The following SV2C variants were observed in gnomAD, a reference collection of about 807,000 sequenced individuals.
SV2C encodes synaptic vesicle glycoprotein 2C.
A neutral mutation model predicts 79.7 loss-of-function variants in SV2C; 49 were observed. The ratio of observed to expected loss-of-function variants is 0.61; its 90% CI spans 0.49 to 0.78. The LOEUF (loss-of-function observed/expected upper bound fraction) is 0.78, where lower values mean the gene tolerates loss of function less well. SV2C is among the 30% of genes least tolerant of loss of function. SV2C has a pLI of 0.00. For synonymous variants in SV2C, 334 were observed against 333.2 expected (o/e 1.00, Z -0.03); for missense variants, 833 against 912.9 (o/e 0.91, Z 1.13).
chr5:76,107,652 T>A (rs1286541801), intron 1 of SV2C, among the ~76,000 whole-genome samples: 1 of 152,046 alleles, frequency 6.6e-6, no homozygotes, highest in Non-Finnish European at 1.5e-5. Flanking sequence ...TCACTTGAGG[T>A]CAGGAGTTCG....
At chr5:76,152,235 G>A (rs1422083550) in intron 2 of SV2C, among the ~76,000 whole-genome samples, 1 of 152,180 alleles carries the variant, frequency 6.6e-6, no homozygotes, top group East Asian at 1.9e-4. Context: ...TGGTTTTAAT[G>A]TAGATTTTTA....
the SV2C span, among the ~76,000 whole-genome samples, chr5:75,930,403 T>C: frequency 2.6e-3 from 391 of 152,336 alleles, 1 homozygote; most frequent in African/African-American, 9.1e-3. Context: ...CCAGCAGTGG[T>C]GCTCTGGAAA....
chr5:76,183,960 CGT>C (rs1412751037), intron 2 of SV2C, among the ~76,000 whole-genome samples: 1 of 152,140 alleles, frequency 6.6e-6, no homozygotes. Context: ...AATTATAGCA[CGT>C]GTTTCATTCT....
the SV2C span, among the ~76,000 whole-genome samples, chr5:75,912,156 T>C: frequency 6.6e-6 from 1 of 150,764 alleles, no homozygotes; most frequent in African/African-American, 2.4e-5. Context: ...AGTGGAACTA[T>C]AATCACTATA....
At chr5:75,895,379 G>A in the SV2C span, among the ~76,000 whole-genome samples, 1 of 152,086 alleles carries the variant, frequency 6.6e-6, no homozygotes, top group Non-Finnish European at 1.5e-5. Context: ...TTTTAAATAT[G>A]TTCAAATAAC....
At chr5:76,304,887 C>A (rs1203208994) in intron 12 of SV2C, among the ~76,000 whole-genome samples, 1 of 152,106 alleles carries the variant, frequency 6.6e-6, no homozygotes, top group African/African-American at 2.4e-5. Flanking sequence ...TAAAGAAATA[C>A]CTGAGACTGG....
intron 1 of SV2C, among the ~76,000 whole-genome samples, chr5:76,125,279 T>C (rs957931817): frequency 3.3e-5 from 5 of 152,212 alleles, no homozygotes; most frequent in African/African-American, 1.2e-4. Context: ...TTAGTTTCAG[T>C]TTTTGATACA....
At chr5:75,976,770 A>G in the SV2C span, among the ~76,000 whole-genome samples, 1 of 152,230 alleles carries the variant, frequency 6.6e-6, no homozygotes, top group Non-Finnish European at 1.5e-5. Context: ...TGAAAAAATG[A>G]TATGCTCAAT....
chr5:76,316,831 A>AC (rs1055915779), intron 12 of SV2C, among the ~76,000 whole-genome samples: 12 of 152,018 alleles, frequency 7.9e-5, no homozygotes, highest in African/African-American at 2.9e-4. Context: ...AACTGCCACT[A>AC]CCCTCAGCTC....
chr5:76,304,969 T>G (rs570041639), intron 12 of SV2C, among the ~76,000 whole-genome samples: 1 of 152,290 alleles, frequency 6.6e-6, no homozygotes. Flanking sequence ...GGAAGCATAG[T>G]GGCATCTGCT....
At chr5:76,227,903 A>T (rs1333473733) in intron 4 of SV2C, among the ~76,000 whole-genome samples, 1 of 152,158 alleles carries the variant, frequency 6.6e-6, no homozygotes, top group African/African-American at 2.4e-5. Flanking sequence ...ATCGCGGCTC[A>T]CTTAGCTGAG....
At chr5:76,227,797 G>C (rs989808925) in intron 4 of SV2C, among the ~76,000 whole-genome samples, 4 of 152,194 alleles carry the variant, frequency 2.6e-5, no homozygotes, top group African/African-American at 4.8e-5. Flanking sequence ...CTGTGGGGCT[G>C]TTTTTTCCTT....
chr5:75,997,231 T>TA, the SV2C span, among the ~76,000 whole-genome samples: 1 of 152,162 alleles, frequency 6.6e-6, no homozygotes, highest in Admixed American at 6.5e-5. Flanking sequence ...TTTCTGCATG[T>TA]TTGAGATAAT....
chr5:76,055,273 T>C, the SV2C span, among the ~76,000 whole-genome samples: 2 of 152,314 alleles, frequency 1.3e-5, no homozygotes, highest in Admixed American at 6.5e-5. Context: ...CCCCATTGCT[T>C]GTTTTCATCA....
the SV2C span, among the ~76,000 whole-genome samples, chr5:76,043,040 G>T: frequency 6.6e-6 from 1 of 152,202 alleles, no homozygotes; most frequent in Non-Finnish European, 1.5e-5. Context: ...CAGCTTCCAT[G>T]ATATACCTTA....
the SV2C span, among the ~76,000 whole-genome samples, chr5:75,869,113 T>TG: frequency 6.6e-6 from 1 of 151,544 alleles, no homozygotes; most frequent in Admixed American, 6.6e-5. Flanking sequence ...CAGCACCAAG[T>TG]GGGCTCTTGG....
intron 1 of SV2C, among the ~76,000 whole-genome samples, chr5:76,097,736 A>G (rs1179388918): frequency 6.6e-6 from 1 of 152,176 alleles, no homozygotes; most frequent in Non-Finnish European, 1.5e-5. Flanking sequence ...TTAGCACTAC[A>G]TTGTAGTAAG....
chr5:75,878,211 C>T, the SV2C span, among the ~76,000 whole-genome samples: 1 of 152,008 alleles, frequency 6.6e-6, no homozygotes, highest in African/African-American at 2.4e-5. Context: ...ATATGAATAC[C>T]AATATCTAAG....
intron 4 of SV2C, among the ~76,000 whole-genome samples, chr5:76,248,852 C>T (rs1355380852): frequency 2.0e-5 from 3 of 152,178 alleles, no homozygotes; most frequent in Non-Finnish European, 4.4e-5. Flanking sequence ...CTCCTGACCT[C>T]AAGTGATCCA....
Sources: allele counts gnomAD v4.1 joint callset (sites outside exome capture counted in the v4.1 genomes callset), GRCh38; gene constraint gnomAD v4.1.1; transcripts MANE v1.5; gene names NCBI Gene and HGNC (gene_info 2026-07-23, HGNC 2026-07-21).